Variants in PLCB4 observed in about 807,000 individuals in gnomAD.
The protein encoded by PLCB4 is phospholipase C beta 4.
A neutral mutation model predicts 178.8 loss-of-function variants in PLCB4; 77 were observed. That is an observed-to-expected ratio of 0.43 (90% CI 0.36 to 0.52). The LOEUF (loss-of-function observed/expected upper bound fraction) is 0.52. Ranked by LOEUF, PLCB4 falls within the 20% of genes least tolerant of loss-of-function variation. The probability of loss-of-function intolerance (pLI) is 0.00; values close to 1 mark genes in which losing one functional copy is unlikely to be tolerated. For synonymous variants in PLCB4, 496 were observed against 490.8 expected, an observed-to-expected ratio of 1.01 and a Z score of -0.14; for missense variants, 1,024 against 1,453.4, an observed-to-expected ratio of 0.70 and a Z score of 4.80.
At chr20:9,463,792 G>C (rs1448064218) in intron 35 of PLCB4, among the ~76,000 whole-genome samples, 1 of 152,040 alleles carries the variant, frequency 6.6e-6, no homozygotes. Flanking sequence ...AGTCCTTAGA[G>C]ACCTACAAAG....
At chr20:9,251,937 G>C (rs2094185669) in intron 3 of PLCB4, among the ~76,000 whole-genome samples, 1 of 151,950 alleles carries the variant, frequency 6.6e-6, no homozygotes, top group African/African-American at 2.4e-5. Context: ...TATAAAAATT[G>C]TCAGCGAGAT....
At chr20:9,333,775 A>G (rs983595278) in intron 4 of PLCB4, among the ~76,000 whole-genome samples, 6 of 152,142 alleles carry the variant, frequency 3.9e-5, no homozygotes, top group African/African-American at 1.4e-4. Context: ...TGTATTCGAA[A>G]TATTATAGAA....
intron 2 of PLCB4, among the ~76,000 whole-genome samples, chr20:9,148,330 A>G (rs1486271232): frequency 6.6e-6 from 1 of 152,136 alleles, no homozygotes; most frequent in Non-Finnish European, 1.5e-5. Context: ...TTATATAGGA[A>G]CAAATCACAT....
chr20:9,444,104 C>T, intron 31 of PLCB4, 74 bp downstream of exon 31: 2 of 1,444,022 alleles, frequency 1.4e-6, no homozygotes, highest in Non-Finnish European at 1.9e-6. Context: ...TTTTGTTTCT[C>T]ACCAAGTGTA....
chr20:9,398,478 A>T (rs917044312), intron 19 of PLCB4, among the ~76,000 whole-genome samples: 4 of 152,192 alleles, frequency 2.6e-5, no homozygotes, highest in African/African-American at 4.8e-5. Flanking sequence ...ATTCAGTAAA[A>T]CCAGTTCCTT....
At chr20:9,203,865 C>A (rs970322025) in intron 2 of PLCB4, among the ~76,000 whole-genome samples, 1 of 148,188 alleles carries the variant, frequency 6.7e-6, no homozygotes, top group Non-Finnish European at 1.5e-5. Context: ...AGATTGAGAC[C>A]TGGAGCTTCT....
intron 33 of PLCB4, among the ~76,000 whole-genome samples, chr20:9,454,669 G>A (rs958336454): frequency 3.0e-4 from 46 of 152,202 alleles, no homozygotes; most frequent in African/African-American, 1.0e-3. Flanking sequence ...AATTTTCTTG[G>A]ACATTGGTTC....
chr20:9,373,566 T>C (rs1013785764), intron 12 of PLCB4, among the ~76,000 whole-genome samples: 2 of 152,214 alleles, frequency 1.3e-5, no homozygotes, highest in Non-Finnish European at 2.9e-5. Context: ...GGATTGCATG[T>C]AAGAAAAATA....
intron 19 of PLCB4, among the ~76,000 whole-genome samples, chr20:9,399,465 G>T (rs2038865086): frequency 6.6e-6 from 1 of 152,208 alleles, no homozygotes; most frequent in Non-Finnish European, 1.5e-5. Context: ...AACACAGCAG[G>T]CAAGGGGAAA....
chr20:9,163,773 A>G (rs1031379229), intron 2 of PLCB4, among the ~76,000 whole-genome samples: 1 of 152,118 alleles, frequency 6.6e-6, no homozygotes, highest in African/African-American at 2.4e-5. Flanking sequence ...ATGATTTATC[A>G]CATTTTTATT....
At chr20:9,227,519 A>G (rs2093881922) in intron 3 of PLCB4, among the ~76,000 whole-genome samples, 1 of 152,120 alleles carries the variant, frequency 6.6e-6, no homozygotes. Flanking sequence ...GTAGGGGTCT[A>G]ATTTCATTAA....
chr20:9,102,683 T>G (rs907811204), intron 2 of PLCB4, among the ~76,000 whole-genome samples: 6 of 152,204 alleles, frequency 3.9e-5, no homozygotes, highest in African/African-American at 1.4e-4. Context: ...TGTTAACAGT[T>G]TATTTCTGTT....
Position 9,399,202 on chromosome 20 carries a change from A to G in PLCB4, c.1511-2288A>G, listed in dbSNP as rs557552623. Among the ~76,000 whole-genome samples the G allele has an allele frequency of 2.0e-5, 3 of 152,310 alleles. No homozygotes were observed. The South Asian group carries it at 6.2e-4, about 32-fold the overall frequency. ...AGTGACTCCCATGTTATTCCAAAATATACTTGAGATTTGGGTTAAGTCTTA... is the reference window on the plus strand; with the variant it reads ...AGTGACTCCCATGTTATTCCAAAATGTACTTGAGATTTGGGTTAAGTCTTA... On this transcript the variant is annotated intron_variant, in intron 19 of 39. Transcript: ENST00000378473.
At chr20:9,176,854 T>G (rs1197214438) in intron 2 of PLCB4, among the ~76,000 whole-genome samples, 1 of 152,180 alleles carries the variant, frequency 6.6e-6, no homozygotes, top group Non-Finnish European at 1.5e-5. Context: ...GTTAGAAGCT[T>G]TTTTCCCTCT....
chr20:9,130,372 TG>T (rs1432302514), intron 2 of PLCB4, among the ~76,000 whole-genome samples: 7 of 152,354 alleles, frequency 4.6e-5, no homozygotes, highest in African/African-American at 1.7e-4. Context: ...TAATTGTGTA[TG>T]ATGCAGTAGA....
chr20:9,366,729 A>G (rs1052006426), intron 9 of PLCB4, among the ~76,000 whole-genome samples: 5 of 152,362 alleles, frequency 3.3e-5, no homozygotes, highest in Admixed American at 6.5e-5. Flanking sequence ...TCACATGAAG[A>G]CAGGCATGTA....
intron 36 of PLCB4, among the ~76,000 whole-genome samples, chr20:9,471,789 C>T (rs1378482492): frequency 6.6e-6 from 1 of 152,096 alleles, no homozygotes; most frequent in Non-Finnish European, 1.5e-5. Context: ...CCAGACACTG[C>T]AGATGGAAAT....
At chr20:9,386,201 C>T (rs755000532) in intron 14 of PLCB4, among the ~76,000 whole-genome samples, 6 of 150,592 alleles carry the variant, frequency 4.0e-5, no homozygotes, top group South Asian at 2.1e-4. Flanking sequence ...TGCAGCGAGC[C>T]GAGACCACGG....
intron 7 of PLCB4, among the ~76,000 whole-genome samples, chr20:9,342,652 TG>T (rs141239792): frequency 0.086 from 12,706 of 147,980 alleles, 1,299 homozygotes; most frequent in African/African-American, 0.23. Flanking sequence ...TTTTATGTTT[TG>T]GGGTTTTTTT....
Sources: gnomAD v4.1 joint callset for allele counts (sites outside exome capture counted in the v4.1 genomes callset) on GRCh38, gnomAD v4.1.1 for gene constraint, MANE v1.5 for transcripts, NCBI Gene and HGNC (gene_info 2026-07-23, HGNC 2026-07-21) for gene names.